Variants in TAF4B observed in about 807,000 individuals in gnomAD.
TAF4B encodes the protein TATA-box binding protein associated factor 4b.
A neutral mutation model predicts 86.4 loss-of-function variants in TAF4B; 38 were observed. The ratio of observed to expected loss-of-function variants is 0.44; its 90% CI spans 0.34 to 0.58. TAF4B has a LOEUF of 0.58. TAF4B is among the 20% of genes least tolerant of loss of function. TAF4B has a pLI of 0.02. For synonymous variants in TAF4B, 388 were observed against 391.2 expected (o/e 0.99, Z 0.10); for missense variants, 988 against 1,027.6 (o/e 0.96, Z 0.53).
chr18:26,323,899 A>G (rs2056982952), intron 11 of TAF4B, among the ~76,000 whole-genome samples: 1 of 152,158 alleles, frequency 6.6e-6, no homozygotes, highest in Non-Finnish European at 1.5e-5. Context: ...AGCTTACTCC[A>G]TTTACATTTA....
At position 26,265,290 on chromosome 18, in the gene TAF4B, A is replaced by T. The variant is rs771436971; in HGVS notation, c.464A>T (p.Gln155Leu). Residue 155 changes from glutamine to leucine, a missense_variant, in exon 2 of 15, where the codon CAA becomes CTA. Gln to Leu is a moderately radical substitution (Grantham distance 113). Around this residue, in one of 3 missense-constraint regions of TAF4B, gnomAD observed 747 missense variants for 737.9 expected, o/e 1.01. Transcript: ENST00000269142. ...AGGCCAGCAGTACCAGCGAATCCTC[A>T]AACAGTCAAAATCTGTACAGTGCCG... ...TSRPAVPANP[Q>L]TVKICTVPNS... The T allele has an allele frequency of 7.4e-6, 12 of 1,613,530 alleles. No homozygotes were observed. The highest frequency in any genetic ancestry group is 1.7e-6 in the Non-Finnish European group (2 of 1,179,924).
intron 2 of TAF4B, among the ~76,000 whole-genome samples, chr18:26,265,631 G>A (rs1470998970): frequency 6.6e-6 from 1 of 152,188 alleles, no homozygotes; most frequent in East Asian, 1.9e-4. Context: ...TGGCTCACTT[G>A]GTTCACTGCA....
chr18:26,226,966 C>A lies in TAF4B; in HGVS notation c.33C>A (p.Ala11=). 1 of 1,384,578 alleles carries A rather than the reference C, an allele frequency of 7.2e-7. No individual in the cohort carries two copies. Among genetic ancestry groups the A allele is most frequent in the Non-Finnish European group, 9.3e-7 (1 of 1,079,834 alleles). 85.8% of individuals were successfully genotyped at this position (1,384,578 alleles called of 1,614,324 possible). A position where few individuals can be genotyped will look rare whatever the true frequency, so the allele number is the denominator to read the frequency against. The change falls in exon 1 of 15, where the codon GCC becomes GCA. Residue 11 remains alanine (A), a synonymous_variant. Transcript: ENST00000269142. MPAGLTEPAG[A]APPAAVSASG... is the part of the protein sequence containing the mutation. ...CCGGCCTCACCGAACCCGCCGGCGC[C>A]GCTCCCCCGGCTGCTGTGAGCGCCT... is the stretch of plus-strand genomic sequence containing the variant.
chr18:26,369,893 G>T (rs2057395666), intron 14 of TAF4B, among the ~76,000 whole-genome samples: 2 of 152,188 alleles, frequency 1.3e-5, no homozygotes, highest in Admixed American at 1.3e-4. Context: ...ATGGGTTCCT[G>T]AATTAGTTCT....
intron 1 of TAF4B, among the ~76,000 whole-genome samples, chr18:26,261,125 G>A (rs2056158995): frequency 6.7e-6 from 1 of 149,934 alleles, no homozygotes; most frequent in African/African-American, 2.5e-5. Flanking sequence ...ATAAGCAGCT[G>A]CTGATGTTAC....
At chr18:26,325,982 C>G (rs933849947) in intron 11 of TAF4B, among the ~76,000 whole-genome samples, 1 of 152,098 alleles carries the variant, frequency 6.6e-6, no homozygotes, top group Non-Finnish European at 1.5e-5. Flanking sequence ...TTGAATCAAC[C>G]ATAAGCAGGG....
chr18:26,343,971 G>A (rs1400529898), intron 13 of TAF4B, among the ~76,000 whole-genome samples: 1 of 152,102 alleles, frequency 6.6e-6, no homozygotes, highest in African/African-American at 2.4e-5. Flanking sequence ...CATAGATGTT[G>A]GAATTATCTG....
intron 5 of TAF4B, among the ~76,000 whole-genome samples, chr18:26,281,671 A>T (rs553754899): frequency 1.6e-3 from 244 of 152,276 alleles, no homozygotes; most frequent in African/African-American, 5.5e-3. Context: ...CGTGCCTTCA[A>T]TTCTTAATTG....
At chr18:26,258,054 G>A (rs539266057) in intron 1 of TAF4B, among the ~76,000 whole-genome samples, 1 of 152,124 alleles carries the variant, frequency 6.6e-6, no homozygotes, top group East Asian at 1.9e-4. Flanking sequence ...AGGAGACTGA[G>A]ACCATCCTGG....
At chr18:26,227,868 C>T (rs919896758) in intron 1 of TAF4B, among the ~76,000 whole-genome samples, 10 of 152,164 alleles carry the variant, frequency 6.6e-5, no homozygotes, top group African/African-American at 2.4e-4. Flanking sequence ...TAAATTTAAC[C>T]AAGTCAGAAT....
intron 13 of TAF4B, chr18:26,349,123 G>A (rs879519574): frequency 4.6e-5 from 7 of 152,064 alleles, no homozygotes; most frequent in Non-Finnish European, 1.0e-4. Context: ...TTTAATTTTA[G>A]ATTCAGGTGT....
intron 1 of TAF4B, among the ~76,000 whole-genome samples, chr18:26,258,567 C>A (rs919328133): frequency 1.3e-5 from 2 of 152,128 alleles, no homozygotes; most frequent in Admixed American, 1.3e-4. Flanking sequence ...TACATAATTA[C>A]CAGTGCTCTT....
At chr18:26,284,890 C>T (rs2056491495) in intron 6 of TAF4B, among the ~76,000 whole-genome samples, 1 of 152,096 alleles carries the variant, frequency 6.6e-6, no homozygotes, top group Non-Finnish European at 1.5e-5. Context: ...AGAAAATATG[C>T]TAGCTCAATT....
At chr18:26,300,307 TTTATTATTATTA>T (rs57272091) in intron 9 of TAF4B, among the ~76,000 whole-genome samples, 1 of 145,382 alleles carries the variant, frequency 6.9e-6, no homozygotes, top group African/African-American at 2.6e-5. Context: ...AATGTAGGCA[TTTATTATTATTA>T]TTATTATTAT....
chr18:26,343,045 A>G (rs922133946), intron 13 of TAF4B, among the ~76,000 whole-genome samples: 1 of 152,228 alleles, frequency 6.6e-6, no homozygotes, highest in Non-Finnish European at 1.5e-5. Context: ...AGATGCATGG[A>G]GCAGCTATTT....
intron 6 of TAF4B, among the ~76,000 whole-genome samples, chr18:26,283,063 T>C (rs1388869735): frequency 6.6e-6 from 1 of 152,200 alleles, no homozygotes; most frequent in Non-Finnish European, 1.5e-5. Flanking sequence ...GAACCCCTCA[T>C]AGTCATCCAT....
Position 26,226,509 on chromosome 18 carries a change from T to A in TAF4B, c.-425T>A, listed in dbSNP as rs1362766976. ...GCCGTGCCAATCGCGCGTAGGGGGC[T>A]GTGGGCACTCGGGGTTCGTAGTTTT... On this transcript the variant is annotated 5_prime_UTR_variant, in exon 1 of 15. Coordinates refer to ENST00000269142, the MANE Select transcript of TAF4B (RefSeq NM_005640.3). The A allele has an allele frequency of 6.5e-6, 1 of 154,922 alleles. No individual in the cohort carries two copies. The highest frequency in any genetic ancestry group is 2.4e-5 in the African/African-American group (1 of 41,566). 9.6% of individuals were successfully genotyped at this position (154,922 alleles called of 1,614,324 possible).
At position 26,267,507 on chromosome 18, in the gene TAF4B, A is replaced by T. The variant is rs2056255934; in HGVS notation, c.490-9A>T. 6.2e-7 allele frequency: 1 copy of T among 1,606,516 alleles called. No homozygotes were observed. Among genetic ancestry groups the T allele is most frequent in the African/African-American group, 1.3e-5 (1 of 74,760 alleles). On this transcript the variant is annotated splice_polypyrimidine_tract_variant and intron_variant, in intron 2 of 14. Coordinates refer to ENST00000269142, the MANE Select transcript of TAF4B (RefSeq NM_005640.3). ...ACTTTGTGTTATCTTGCTCCCCTCC[A>T]CCGCCAAGAACTCTAGCTCACAATT...
At chr18:26,338,843 A>G (rs2057113997) in intron 13 of TAF4B, among the ~76,000 whole-genome samples, 1 of 152,154 alleles carries the variant, frequency 6.6e-6, no homozygotes. Flanking sequence ...TGCATTCCAC[A>G]TGTAAGGACA....
Sources: allele counts gnomAD v4.1 joint callset (sites outside exome capture counted in the v4.1 genomes callset), GRCh38; gene constraint gnomAD v4.1.1; regional missense constraint gnomAD v4.1.1; transcripts MANE v1.5; gene names NCBI Gene and HGNC (gene_info 2026-07-23, HGNC 2026-07-21).